The following CAMKMT variants were observed in gnomAD, a reference collection of about 807,000 sequenced individuals.
CAMKMT encodes CaM KMT.
In CAMKMT, 53 loss-of-function variants were observed where a neutral mutation model predicts 48.0. The observed-to-expected ratio is 1.10, with a 90% CI of 0.89 to 1.39. The LOEUF (loss-of-function observed/expected upper bound fraction) is 1.39. CAMKMT is among the 40% of genes most tolerant of loss of function. The pLI, the probability that CAMKMT is intolerant of heterozygous loss-of-function variation, is 0.00. For synonymous variants in CAMKMT, 165 were observed against 152.3 expected (o/e 1.08, Z -0.61); for missense variants, 428 against 402.7 (o/e 1.06, Z -0.54).
Position 44,374,502 on chromosome 2 carries a change from A to G in CAMKMT, c.311+1614A>G, listed in dbSNP as rs529552444. Among the ~76,000 whole-genome samples, 19 of 152,362 alleles carry G rather than the reference A, an allele frequency of 1.2e-4. No individual in the cohort carries two copies. In the East Asian group the frequency reaches 3.7e-3, roughly 29 times the overall value. On this transcript the variant is annotated intron_variant, in intron 2 of 10. Transcript: ENST00000378494. Reference sequence around the variant, plus strand: ...ATCTTCTGCATCCACTGGTGAAAAGAGACAATAAGTATAAATTATAGCAAG... The same window carrying G: ...ATCTTCTGCATCCACTGGTGAAAAGGGACAATAAGTATAAATTATAGCAAG...
chr2:44,364,444 A>C (rs1678379396), intron 1 of CAMKMT, among the ~76,000 whole-genome samples: 1 of 152,042 alleles, frequency 6.6e-6, no homozygotes, highest in South Asian at 2.1e-4. Flanking sequence ...CCTTTATATT[A>C]TTTTATGATC....
intron 3 of CAMKMT, among the ~76,000 whole-genome samples, chr2:44,682,683 G>A (rs1676091323): frequency 6.6e-6 from 1 of 152,202 alleles, no homozygotes; most frequent in Non-Finnish European, 1.5e-5. Context: ...AAATACCAAA[G>A]TGGAGATTTC....
intron 3 of CAMKMT, among the ~76,000 whole-genome samples, chr2:44,405,080 G>A (rs1682687199): frequency 6.6e-6 from 1 of 151,924 alleles, no homozygotes; most frequent in African/African-American, 2.4e-5. Context: ...TAGATACATG[G>A]GAGTTCATTA....
At chr2:44,684,205 G>C (rs1379084246) in intron 3 of CAMKMT, among the ~76,000 whole-genome samples, 1 of 152,210 alleles carries the variant, frequency 6.6e-6, no homozygotes, top group Non-Finnish European at 1.5e-5. Context: ...TGAGTTCATA[G>C]AGACCGTGAT....
intron 3 of CAMKMT, among the ~76,000 whole-genome samples, chr2:44,442,831 A>G (rs762479162): frequency 2.0e-5 from 3 of 152,164 alleles, no homozygotes; most frequent in Non-Finnish European, 4.4e-5. Context: ...TGGAGCAGGG[A>G]TTGTTTTCAT....
intron 3 of CAMKMT, among the ~76,000 whole-genome samples, chr2:44,645,498 C>T (rs1673682297): frequency 6.6e-6 from 1 of 152,034 alleles, no homozygotes; most frequent in Non-Finnish European, 1.5e-5. Context: ...TCAAACAAAA[C>T]CAAAAGGTCC....
intron 3 of CAMKMT, among the ~76,000 whole-genome samples, chr2:44,622,565 C>T (rs899285473): frequency 6.6e-6 from 1 of 152,316 alleles, no homozygotes; most frequent in African/African-American, 2.4e-5. Flanking sequence ...TAATGTTTGG[C>T]TCCCACTTAT....
chr2:44,728,062 A>T (rs1276425558), intron 7 of CAMKMT, among the ~76,000 whole-genome samples: 2 of 152,176 alleles, frequency 1.3e-5, no homozygotes, highest in East Asian at 1.9e-4. Flanking sequence ...AGATGGGACT[A>T]TAGGTGTGTG....
chr2:44,675,054 C>T (rs982194217), intron 3 of CAMKMT, among the ~76,000 whole-genome samples: 2 of 150,652 alleles, frequency 1.3e-5, no homozygotes, highest in East Asian at 3.9e-4. Context: ...TGTTTGCAAA[C>T]ATGCTCGGGA....
chr2:44,626,682 G>C (rs1249465315), intron 3 of CAMKMT, among the ~76,000 whole-genome samples: 3 of 152,002 alleles, frequency 2.0e-5, no homozygotes, highest in Non-Finnish European at 2.9e-5. Context: ...CCATTCATGA[G>C]AGCTTCACCC....
chr2:44,465,705 G>A (rs115037881), intron 3 of CAMKMT, among the ~76,000 whole-genome samples: 213 of 152,274 alleles, frequency 1.4e-3, no homozygotes, highest in African/African-American at 4.8e-3. Context: ...TACTTCAAAT[G>A]TGAATGTTTA....
At chr2:44,494,448 ACT>A (rs1462572399) in intron 3 of CAMKMT, among the ~76,000 whole-genome samples, 1 of 152,092 alleles carries the variant, frequency 6.6e-6, no homozygotes, top group Non-Finnish European at 1.5e-5. Flanking sequence ...AAAATGAGAT[ACT>A]CTCATTCTCT....
intron 3 of CAMKMT, among the ~76,000 whole-genome samples, chr2:44,430,235 T>C (rs1231824703): frequency 6.6e-6 from 1 of 152,084 alleles, no homozygotes; most frequent in Non-Finnish European, 1.5e-5. Context: ...AACTGTAAAG[T>C]TAGGGCCTGG....
Position 44,704,328 on chromosome 2 carries a change from A to G in CAMKMT, c.422A>G (p.His141Arg). The part of the protein sequence containing the change: ...EEVLAYYCLK[H>R]NNIFRALAVC... The stretch of plus-strand genomic sequence containing the variant: ...GTTTTGGCTTACTACTGCCTCAAGC[A>G]CAATAATATATTCAGGTACAGAGCT... The change falls in exon 4 of 11, where the codon CAC (histidine) becomes CGC (arginine). Residue 141 changes from histidine to arginine, a missense_variant. His to Arg is a conservative substitution (Grantham distance 29, BLOSUM62 0). Transcript: ENST00000378494. 1 of 1,609,456 alleles carries G rather than the reference A, an allele frequency of 6.2e-7. No homozygotes were observed. Among genetic ancestry groups the G allele is most frequent in the South Asian group, 1.1e-5 (1 of 90,328 alleles).
chr2:44,747,919 C>A (rs1319721024), intron 8 of CAMKMT, among the ~76,000 whole-genome samples: 1 of 152,044 alleles, frequency 6.6e-6, no homozygotes, highest in South Asian at 2.1e-4. Flanking sequence ...AATGGTCAAA[C>A]TAGACTGCCA....
intron 1 of CAMKMT, chr2:44,369,768 A>T (rs1678971888): frequency 1.3e-5 from 2 of 152,338 alleles, no homozygotes; most frequent in Non-Finnish European, 2.9e-5. Context: ...CTCACTCTCC[A>T]TTAAATTAGA....
chr2:44,623,237 G>A (rs777017065), intron 3 of CAMKMT, among the ~76,000 whole-genome samples: 51 of 152,020 alleles, frequency 3.4e-4, no homozygotes, highest in Admixed American at 2.0e-3. Flanking sequence ...GCCTTTGTTG[G>A]TATAGTTTAC....
chr2:44,652,262 A>G (rs746234531), intron 3 of CAMKMT, among the ~76,000 whole-genome samples: 32 of 152,302 alleles, frequency 2.1e-4, no homozygotes, highest in South Asian at 1.2e-3. Context: ...CTATTTTAGC[A>G]ATCCCTTTTA....
At chr2:44,742,620 G>A (rs376250241) in intron 7 of CAMKMT, among the ~76,000 whole-genome samples, 14 of 152,228 alleles carry the variant, frequency 9.2e-5, no homozygotes, top group African/African-American at 3.1e-4. Flanking sequence ...TTGTGGTGAT[G>A]TCTTTAATCT....
Sources: gnomAD v4.1 joint callset for allele counts (sites outside exome capture counted in the v4.1 genomes callset) on GRCh38, gnomAD v4.1.1 for gene constraint, MANE v1.5 for transcripts, NCBI Gene and HGNC (gene_info 2026-07-23, HGNC 2026-07-21) for gene names.